Variants in GALNT10 observed in about 807,000 individuals in gnomAD.
GALNT10 encodes the protein polypeptide N-acetylgalactosaminyltransferase 10.
A neutral mutation model predicts 75.0 loss-of-function variants in GALNT10; 41 were observed. That is an observed-to-expected ratio of 0.55 (90% CI 0.43 to 0.71). The LOEUF (loss-of-function observed/expected upper bound fraction) is 0.71. Among genes scored for constraint, GALNT10 ranks in the 30% least tolerant of loss-of-function variants. The probability of loss-of-function intolerance (pLI) is 0.00; values close to 1 mark genes in which losing one functional copy is unlikely to be tolerated. For synonymous variants in GALNT10, 302 were observed against 313.0 expected (o/e 0.96, Z 0.37); for missense variants, 727 against 818.5 (o/e 0.89, Z 1.36).
chr5:154,397,024 G>A (rs183099714), intron 7 of GALNT10, among the ~76,000 whole-genome samples: 7 of 152,012 alleles, frequency 4.6e-5, no homozygotes, highest in East Asian at 3.9e-4. Flanking sequence ...CTACTCGGGA[G>A]GCTGAGGCAG....
intron 1 of GALNT10, among the ~76,000 whole-genome samples, chr5:154,201,332 G>C (rs1775025431): frequency 6.6e-6 from 1 of 152,014 alleles, no homozygotes; most frequent in Non-Finnish European, 1.5e-5. Flanking sequence ...GAGCATAAGT[G>C]ACACGACTAG....
chr5:154,206,047 G>A (rs1024578630), intron 1 of GALNT10, among the ~76,000 whole-genome samples: 4 of 152,214 alleles, frequency 2.6e-5, no homozygotes, highest in African/African-American at 9.7e-5. Flanking sequence ...GTGTATGAGT[G>A]TGTCTGTATG....
intron 1 of GALNT10, among the ~76,000 whole-genome samples, chr5:154,200,202 C>T (rs1167205917): frequency 6.6e-6 from 1 of 152,166 alleles, no homozygotes; most frequent in Non-Finnish European, 1.5e-5. Flanking sequence ...AGCTGAATAC[C>T]CAGGCAGCCG....
intron 8 of GALNT10, among the ~76,000 whole-genome samples, chr5:154,405,272 G>C (rs923047142): frequency 5.3e-5 from 8 of 152,170 alleles, no homozygotes; most frequent in Admixed American, 5.2e-4. Context: ...TACAAGGAAA[G>C]CCGAGAGGCT....
intron 1 of GALNT10, among the ~76,000 whole-genome samples, chr5:154,238,211 C>G (rs1581933146): frequency 6.6e-6 from 1 of 152,134 alleles, no homozygotes; most frequent in East Asian, 1.9e-4. Context: ...TCGCCTCACA[C>G]CAGGCTTTTC....
chr5:154,225,925 T>A (rs528727114), intron 1 of GALNT10, among the ~76,000 whole-genome samples: 2 of 152,076 alleles, frequency 1.3e-5, no homozygotes, highest in Non-Finnish European at 2.9e-5. Flanking sequence ...TAGGTGGGAA[T>A]TGAACAATGA....
At chr5:154,374,607 C>T (rs977189363) in intron 4 of GALNT10, among the ~76,000 whole-genome samples, 1 of 152,218 alleles carries the variant, frequency 6.6e-6, no homozygotes, top group Admixed American at 6.5e-5. Context: ...ACCTCAGCCT[C>T]CTGAAGTGCT....
intron 1 of GALNT10, among the ~76,000 whole-genome samples, chr5:154,258,601 A>G (rs1270758617): frequency 6.6e-6 from 1 of 152,168 alleles, no homozygotes; most frequent in Non-Finnish European, 1.5e-5. Flanking sequence ...CTAGCCTGTG[A>G]CCCTTGTCAC....
intron 1 of GALNT10, among the ~76,000 whole-genome samples, chr5:154,239,330 G>A (rs1404192519): frequency 6.6e-6 from 1 of 152,206 alleles, no homozygotes; most frequent in Non-Finnish European, 1.5e-5. Flanking sequence ...GCACGTATAA[G>A]GCAGGGGTCC....
intron 3 of GALNT10, among the ~76,000 whole-genome samples, chr5:154,311,825 G>C (rs1754523821): frequency 6.6e-6 from 1 of 152,060 alleles, no homozygotes; most frequent in Admixed American, 6.5e-5. Context: ...TGGCCAGGCT[G>C]GTCTCAAACT....
intron 10 of GALNT10, among the ~76,000 whole-genome samples, chr5:154,414,260 T>G (rs1756459428): frequency 6.6e-6 from 1 of 152,188 alleles, no homozygotes; most frequent in African/African-American, 2.4e-5. Flanking sequence ...CTCCTAGGTA[T>G]TTATCCAAGA....
intron 4 of GALNT10, among the ~76,000 whole-genome samples, chr5:154,340,515 C>CTCTATATG (rs1158440315): frequency 1.3e-5 from 2 of 152,132 alleles, no homozygotes; most frequent in Non-Finnish European, 2.9e-5. Flanking sequence ...TTTGATACAT[C>CTCTATATG]TCTATATGTC....
rs971399931 is a variant in GALNT10 at position 154,417,132 on chromosome 5, G to C, written c.*160G>C. 11 of 640,168 alleles carry C rather than the reference G, an allele frequency of 1.7e-5. No homozygotes were observed. The highest frequency in any genetic ancestry group is 5.7e-5 in the Admixed American group (2 of 35,284). The allele number at this position is 640,168 out of a possible 1,614,324, so 39.7% of individuals were successfully genotyped here. The stretch of plus-strand genomic sequence containing the variant: ...TGATTCAGGGGCTGGGGTCTGCCTG[G>C]TCCTTGAGCCCCTGAGTTGTGGGGG... On this transcript the variant is annotated 3_prime_UTR_variant, in exon 12 of 12. Transcript: ENST00000297107.
intron 1 of GALNT10, among the ~76,000 whole-genome samples, chr5:154,254,849 G>C (rs1302090135): frequency 6.6e-6 from 1 of 152,126 alleles, no homozygotes; most frequent in Non-Finnish European, 1.5e-5. Context: ...TTCAGGGGCA[G>C]GTAATTTAGC....
chr5:154,248,965 A>T (rs1753474216), intron 1 of GALNT10, among the ~76,000 whole-genome samples: 1 of 152,226 alleles, frequency 6.6e-6, no homozygotes. Flanking sequence ...GTCTATGGAG[A>T]TACTAGAAAT....
chr5:154,191,874 G>A (rs757514063), intron 1 of GALNT10, among the ~76,000 whole-genome samples: 1 of 152,236 alleles, frequency 6.6e-6, no homozygotes, highest in Admixed American at 6.5e-5. Context: ...AACTGGGATC[G>A]GAATGGTTTC....
chr5:154,234,480 ATAGCAT>A (rs912969315), intron 1 of GALNT10, among the ~76,000 whole-genome samples: 5 of 152,252 alleles, frequency 3.3e-5, no homozygotes, highest in African/African-American at 1.2e-4. Flanking sequence ...TACAAAATTG[ATAGCAT>A]TTCCTCTGTG....
chr5:154,334,007 C>T (rs1372784765), intron 4 of GALNT10, among the ~76,000 whole-genome samples: 2 of 152,178 alleles, frequency 1.3e-5, no homozygotes, highest in Non-Finnish European at 2.9e-5. Flanking sequence ...GTCTAAAGTA[C>T]GGCAAATATG....
At chr5:154,330,915 G>GTGTGTGTA (rs1265123223) in intron 4 of GALNT10, among the ~76,000 whole-genome samples, 1 of 89,812 alleles carries the variant, frequency 1.1e-5, no homozygotes, top group African/African-American at 2.8e-5. Context: ...GAGGGTGTGT[G>GTGTGTGTA]TGTGTGTGTG....
Sources: gnomAD v4.1 joint callset for allele counts (sites outside exome capture counted in the v4.1 genomes callset) on GRCh38, gnomAD v4.1.1 for gene constraint, MANE v1.5 for transcripts, NCBI Gene and HGNC (gene_info 2026-07-23, HGNC 2026-07-21) for gene names.